The following NFIC variants were observed in gnomAD, a reference collection of about 807,000 sequenced individuals.
NFIC encodes the protein nuclear factor 1 C-type.
A neutral mutation model predicts 54.4 loss-of-function variants in NFIC; 12 were observed. The ratio of observed to expected loss-of-function variants is 0.22; its 90% CI spans 0.14 to 0.36. The LOEUF is 0.36. Ranked by LOEUF, NFIC falls within the 10% of genes least tolerant of loss-of-function variation. NFIC has a pLI of 1.00. For missense variants in NFIC, 575 were observed against 718.2 expected (o/e 0.80, Z 2.28); for synonymous variants, 322 against 319.2 (o/e 1.01, Z -0.09).
chr19:3,394,526 C>CCCG lies in NFIC; in HGVS notation c.562+12285_562+12286insGCC, dbSNP rs1166467471. 4.5e-5 allele frequency among the ~76,000 whole-genome samples: 3 copies of CCCG among 66,414 alleles called. 1 individual carries two copies. Among genetic ancestry groups the CCCG allele is most frequent in the African/African-American group, 1.1e-4 (2 of 17,462 alleles). 43.6% of individuals were successfully genotyped at this position (66,414 alleles called of 152,430 possible). A position where few individuals can be genotyped will look rare whatever the true frequency, so the allele number is the denominator to read the frequency against. ...TTTTATGATCTTTTCCCCACCCACC[C>CCCG]CCCACCCGCTTACACTAAGTCTGAA... On this transcript the variant is annotated intron_variant, in intron 2 of 10. Transcript: ENST00000443272.
At chr19:3,408,066 T>C (rs1376748716) in intron 2 of NFIC, among the ~76,000 whole-genome samples, 1 of 151,940 alleles carries the variant, frequency 6.6e-6, no homozygotes, top group Non-Finnish European at 1.5e-5. Flanking sequence ...CTGGCTGAGG[T>C]TGGGAGGCGG....
At chr19:3,440,683 G>A (rs61553003) in intron 6 of NFIC, among the ~76,000 whole-genome samples, 3,184 of 152,134 alleles carry the variant, frequency 0.021, 114 homozygotes, top group African/African-American at 0.072. Context: ...CACCACACCC[G>A]GCTAATTTTG....
intron 1 of NFIC, among the ~76,000 whole-genome samples, chr19:3,368,135 C>T (rs1050663078): frequency 2.6e-5 from 4 of 152,118 alleles, no homozygotes; most frequent in South Asian, 2.1e-4. Context: ...CGAGTGGGCA[C>T]GCTGTGTGAC....
chr19:3,368,751 G>T (rs1325641947), intron 1 of NFIC, among the ~76,000 whole-genome samples: 1 of 152,206 alleles, frequency 6.6e-6, no homozygotes, highest in Non-Finnish European at 1.5e-5. Context: ...AGCCAGTGGG[G>T]TGGGCTGGGG....
intron 6 of NFIC, among the ~76,000 whole-genome samples, chr19:3,436,638 C>T (rs1032080171): frequency 4.6e-5 from 7 of 151,684 alleles, no homozygotes; most frequent in Non-Finnish European, 8.8e-5. Context: ...CCACACCCGG[C>T]TAATCTTTAT....
Position 3,463,334 on chromosome 19 carries a change from G to C in NFIC, c.*565G>C, listed in dbSNP as rs932836362. The C allele has an allele frequency of 1.6e-5, 16 of 986,616 alleles. No homozygotes were observed. Among genetic ancestry groups the C allele is most frequent in the African/African-American group, 1.6e-4 (9 of 57,242 alleles). The allele number at this position is 986,616 out of a possible 1,614,324, so 61.1% of individuals were successfully genotyped here. On this transcript the variant is annotated 3_prime_UTR_variant, in exon 11 of 11. Transcript: ENST00000443272. Reference sequence around the variant, plus strand: ...GCCCCCACCGAGGACGCAGCCACTGGGGGGAAAGGGAGACACAGCGGACCC... The same window carrying C: ...GCCCCCACCGAGGACGCAGCCACTGCGGGGAAAGGGAGACACAGCGGACCC...
intron 2 of NFIC, among the ~76,000 whole-genome samples, chr19:3,387,581 G>GGGCCA (rs113409748): frequency 5.3e-5 from 8 of 152,214 alleles, no homozygotes; most frequent in African/African-American, 1.9e-4. Flanking sequence ...GGGGGGCTGG[G>GGGCCA]GGCCACTCTG....
chr19:3,430,910 C>T lies in NFIC; in HGVS notation c.635-2608C>T, dbSNP rs560401458. Among the ~76,000 whole-genome samples, 10 of 135,068 alleles carry T rather than the reference C, an allele frequency of 7.4e-5. No individual in the cohort carries two copies. The South Asian group carries it at 1.4e-3, about 19-fold the overall frequency. 88.6% of individuals were successfully genotyped at this position (135,068 alleles called of 152,430 possible). On this transcript the variant is annotated intron_variant, in intron 3 of 10. Coordinates refer to ENST00000443272, the MANE Select transcript of NFIC (RefSeq NM_001245002.2). ...TTGCGCCACTGCACTCCAGCCTGGG[C>T]GACAGAGTGAGACTCCGTCTCAAAA... is the stretch of plus-strand genomic sequence containing the variant.
rs534346233 is a variant in NFIC, at chr19:3,435,120, G to C, written c.871G>C (p.Val291Leu). Residue 291 changes from valine (V) to leucine (L), a missense_variant, in exon 6 of 11, where the codon GTG (valine) becomes CTG (leucine). Coordinates refer to ENST00000443272, the MANE Select transcript of NFIC (RefSeq NM_001245002.2). ...CAAATCGGGCTCGATGGAGGAAGAC[G>C]TGGACACGAGCCCTGGCGGCGATTA... Reference protein sequence around the residue: ...RHKSGSMEEDVDTSPGGDYYT... With the variant: ...RHKSGSMEEDLDTSPGGDYYT... 40 of 1,606,000 alleles carry C rather than the reference G, an allele frequency of 2.5e-5. No homozygotes were observed. The East Asian group carries it at 7.2e-4, about 29-fold the overall frequency.
chr19:3,369,012 G>A lies in NFIC; in HGVS notation c.30+2346G>A, dbSNP rs968436200. Among the ~76,000 whole-genome samples, 1 of 149,432 alleles carries A rather than the reference G, an allele frequency of 6.7e-6. No individual in the cohort carries two copies. The highest frequency in any genetic ancestry group is 2.5e-5 in the African/African-American group (1 of 40,306). On this transcript the variant is annotated intron_variant, in intron 1 of 10. Transcript: ENST00000443272. This position sits in a 1 kb window ranked among gnomAD's most constrained non-coding sequence, Gnocchi z 4.3. ...CTCTGTTTCACTCCCAGTCACTGTT[G>A]GTCTCTTTGTGTCTCTCTTTCTCAT...
In NFIC at chr19:3,458,163, C is replaced by T. The variant is rs568599799; in HGVS notation, c.1509+1528C>T. Among the ~76,000 whole-genome samples the T allele has an allele frequency of 2.0e-5, 3 of 152,274 alleles. No homozygotes were observed. The highest frequency in any genetic ancestry group is 1.9e-4 in the East Asian group (1 of 5,176). On this transcript the variant is annotated intron_variant, in intron 10 of 10. Transcript: ENST00000443272. This position sits in a 1 kb window ranked among gnomAD's most constrained non-coding sequence, Gnocchi z 4.1. ...ACCCTGCCTTGCACCCATAGAGCCCCGGAGAGGGAGTAACTTGGTCAGGGT... is the reference window on the plus strand; with the variant it reads ...ACCCTGCCTTGCACCCATAGAGCCCTGGAGAGGGAGTAACTTGGTCAGGGT...
At chr19:3,394,820 T>C (rs1468110068) in intron 2 of NFIC, among the ~76,000 whole-genome samples, 1 of 151,902 alleles carries the variant, frequency 6.6e-6, no homozygotes, top group East Asian at 1.9e-4. Context: ...GAACTGAACA[T>C]AGGAGGGATC....
At chr19:3,388,836 G>A (rs538984100) in intron 2 of NFIC, among the ~76,000 whole-genome samples, 5 of 149,734 alleles carry the variant, frequency 3.3e-5, no homozygotes, top group Non-Finnish European at 1.5e-5. Context: ...TCTAAAAACC[G>A]TTTTTTTTAA....
At chr19:3,434,956 C>G (rs1252819149) in intron 5 of NFIC, 127 bp from the exon 6 acceptor site, 2 of 1,292,322 alleles carry the variant, frequency 1.5e-6, no homozygotes, top group Admixed American at 2.8e-5. Flanking sequence ...GCGGCTCCCG[C>G]GATGTCTCGC....
In NFIC at chr19:3,456,540, C is replaced by G; in HGVS notation, c.1424-10C>G. On this transcript the variant is annotated splice_polypyrimidine_tract_variant and intron_variant, in intron 9 of 10. Transcript: ENST00000443272. Reference sequence around the variant, plus strand: ...CGCTAACGGGCTCTCGGTCTCTCTCCTCCCTGCAGCCTACTCTCCGCCCGA... The same window carrying G: ...CGCTAACGGGCTCTCGGTCTCTCTCGTCCCTGCAGCCTACTCTCCGCCCGA... The G allele has an allele frequency of 6.4e-7, 1 of 1,551,398 alleles. No homozygotes were observed. The highest frequency in any genetic ancestry group is 1.4e-5 in the African/African-American group (1 of 73,156).
chr19:3,461,130 A>G (rs1353250251), intron 10 of NFIC, among the ~76,000 whole-genome samples: 1 of 151,560 alleles, frequency 6.6e-6, no homozygotes, highest in African/African-American at 2.4e-5. Flanking sequence ...GTCTCAAAAA[A>G]TCAACAAAAA....
intron 3 of NFIC, 90 bp from the exon 4 acceptor site, chr19:3,433,428 C>T: frequency 2.1e-6 from 3 of 1,411,006 alleles, no homozygotes; most frequent in Non-Finnish European, 2.0e-6. Context: ...CAGGCTCGGG[C>T]CAGCCCCCAG....
chr19:3,388,451 T>G (rs1375990111), intron 2 of NFIC, among the ~76,000 whole-genome samples: 2 of 152,040 alleles, frequency 1.3e-5, no homozygotes, highest in East Asian at 3.9e-4. Context: ...GACCCAGAGG[T>G]TTGGACAAGA....
intron 3 of NFIC, among the ~76,000 whole-genome samples, chr19:3,425,995 C>T (rs1256831283): frequency 1.1e-4 from 14 of 128,060 alleles, no homozygotes; most frequent in African/African-American, 3.0e-4. Context: ...AGTGCAGTGG[C>T]GCGATCTCGG....
Sources: gnomAD v4.1 joint callset for allele counts (sites outside exome capture counted in the v4.1 genomes callset) on GRCh38, gnomAD v4.1.1 for gene constraint, Gnocchi (gnomAD v3.1) non-coding constraint, MANE v1.5 for transcripts, NCBI Gene and HGNC (gene_info 2026-07-23, HGNC 2026-07-21) for gene names.